Variants in DMD observed in about 807,000 individuals in gnomAD.
DMD encodes dystrophin.
DMD carries 63 observed loss-of-function variants against 330.1 expected under a neutral mutation model. The observed-to-expected ratio is 0.19, with a 90% CI of 0.16 to 0.24. The LOEUF is 0.24. DMD is among the 10% of genes least tolerant of loss of function. The probability of loss-of-function intolerance (pLI) is 1.00; values close to 1 mark genes in which losing one functional copy is unlikely to be tolerated. For missense variants in DMD, 3,344 were observed against 2,684.1 expected, an observed-to-expected ratio of 1.25 and a Z score of -5.43; for synonymous variants, 1,223 against 959.8, an observed-to-expected ratio of 1.27 and a Z score of -5.07.
At chrX:31,194,098 T>A (rs754632325) in intron 67 of DMD, among the ~76,000 whole-genome samples, 3 of 110,966 alleles carry the variant, frequency 2.7e-5, no homozygotes, top group Non-Finnish European at 5.7e-5. Context: ...GAGAGTCACA[T>A]GAACTCGGGA....
chrX:32,261,388 TAA>T (rs1259261191), intron 43 of DMD, among the ~76,000 whole-genome samples: 2 of 111,391 alleles, frequency 1.8e-5, no homozygotes, highest in African/African-American at 6.5e-5. Flanking sequence ...CATGAAAACA[TAA>T]AAAGTGTACA....
At chrX:31,961,414 C>T (rs937857711) in intron 45 of DMD, among the ~76,000 whole-genome samples, 1 of 111,915 alleles carries the variant, frequency 8.9e-6, no homozygotes, top group Non-Finnish European at 1.9e-5. Context: ...TAAGAAAGTA[C>T]TTACTGGCCA....
rs1406201824 is a variant in DMD, at chrX:32,747,445, G to C, written c.650-48152C>G. ...CATACTCAATCAAGCGTGAGAGTGA[G>C]ACCTAGGGATCTGTGTTTTGCTGGG... On this transcript the variant is annotated intron_variant, in intron 7 of 78. Coordinates refer to ENST00000357033, the MANE Select transcript of DMD (RefSeq NM_004006.3). 2.7e-5 allele frequency among the ~76,000 whole-genome samples: 3 copies of C among 111,069 alleles called. 1 individual carries two copies. Among genetic ancestry groups the C allele is most frequent in the Admixed American group, 1.9e-4 (2 of 10,430 alleles).
chrX:32,863,878 T>G (rs972808693), intron 2 of DMD, among the ~76,000 whole-genome samples: 1 of 112,288 alleles, frequency 8.9e-6, no homozygotes, highest in Admixed American at 9.4e-5. Flanking sequence ...ATCCTTGGTT[T>G]ATTCATTCTT....
intron 19 of DMD, among the ~76,000 whole-genome samples, chrX:32,497,010 T>C (rs1214129111): frequency 8.9e-6 from 1 of 111,901 alleles, no homozygotes; most frequent in Non-Finnish European, 1.9e-5. Context: ...CATTAAAATA[T>C]ATGATTAGAA....
chrX:31,371,234 T>TA (rs1241109680), intron 60 of DMD, among the ~76,000 whole-genome samples: 1 of 111,228 alleles, frequency 9.0e-6, no homozygotes, highest in Non-Finnish European at 1.9e-5. Flanking sequence ...AATCTACAAT[T>TA]AAAAATGCTG....
intron 11 of DMD, among the ~76,000 whole-genome samples, chrX:32,631,003 G>T (rs1370538574): frequency 8.9e-6 from 1 of 111,801 alleles, no homozygotes; most frequent in Non-Finnish European, 1.9e-5. Flanking sequence ...GTTCTTGGGT[G>T]TTGTGATTTA....
chrX:32,793,519 T>A (rs2075971725), intron 7 of DMD, among the ~76,000 whole-genome samples: 1 of 103,729 alleles, frequency 9.6e-6, no homozygotes, highest in African/African-American at 3.7e-5. Flanking sequence ...AAGATGAAAA[T>A]AAAGCACTTG....
chrX:32,679,764 C>T (rs2062238722), intron 9 of DMD, among the ~76,000 whole-genome samples: 1 of 109,107 alleles, frequency 9.2e-6, no homozygotes, highest in South Asian at 3.9e-4. Context: ...TTAAAACATG[C>T]TGAAAAAGAC....
At chrX:32,591,118 C>CA (rs200068903) in intron 13 of DMD, among the ~76,000 whole-genome samples, 6,683 of 111,582 alleles carry the variant, frequency 0.06, 165 homozygotes, top group Non-Finnish European at 0.063. Flanking sequence ...CCCAGCCTTC[C>CA]AAAGTGCTGG....
intron 52 of DMD, among the ~76,000 whole-genome samples, chrX:31,685,716 G>A (rs1262865296): frequency 1.8e-5 from 2 of 112,106 alleles, no homozygotes; most frequent in Non-Finnish European, 3.8e-5. Context: ...GCAAACCTGA[G>A]AGATTTTCCT....
intron 1 of DMD, among the ~76,000 whole-genome samples, chrX:33,161,114 G>A (rs1372236110): frequency 9.0e-6 from 1 of 111,183 alleles, no homozygotes; most frequent in Non-Finnish European, 1.9e-5. Context: ...AAAAATTACT[G>A]TCCCAATCCT....
intron 62 of DMD, among the ~76,000 whole-genome samples, chrX:31,321,819 G>C (rs763456460): frequency 5.4e-5 from 6 of 110,701 alleles, no homozygotes; most frequent in African/African-American, 2.0e-4. Flanking sequence ...TAATTCCACT[G>C]AGAAACAGCA....
At chrX:31,258,201 G>A (rs2050160745) in intron 63 of DMD, among the ~76,000 whole-genome samples, 1 of 112,289 alleles carries the variant, frequency 8.9e-6, no homozygotes, top group South Asian at 3.7e-4. Flanking sequence ...GAAAACTGAG[G>A]ACAAATCCAG....
At chrX:33,076,128 C>T (rs756363601) in intron 1 of DMD, among the ~76,000 whole-genome samples, 3 of 97,818 alleles carry the variant, frequency 3.1e-5, no homozygotes, top group Middle Eastern at 4.7e-3. Context: ...CATCCTATGA[C>T]CCCCCACTCA....
chrX:31,922,373 G>A (rs1465270899), intron 47 of DMD, among the ~76,000 whole-genome samples: 2 of 111,336 alleles, frequency 1.8e-5, no homozygotes, highest in Non-Finnish European at 3.8e-5. Context: ...ACAGGTGAAA[G>A]CGAGTGTTTT....
At chrX:31,798,942 A>G (rs1349261151) in intron 50 of DMD, among the ~76,000 whole-genome samples, 1 of 111,317 alleles carries the variant, frequency 9.0e-6, no homozygotes, top group East Asian at 2.8e-4. Context: ...GAACAAGATG[A>G]CAGTTTATTT....
intron 47 of DMD, among the ~76,000 whole-genome samples, chrX:31,908,184 A>C (rs1254200177): frequency 8.9e-6 from 1 of 112,116 alleles, no homozygotes; most frequent in Non-Finnish European, 1.9e-5. Context: ...AGAACTAGAA[A>C]TACCATTTGA....
intron 63 of DMD, among the ~76,000 whole-genome samples, chrX:31,253,432 G>C (rs2049608250): frequency 9.0e-6 from 1 of 111,688 alleles, no homozygotes; most frequent in Non-Finnish European, 1.9e-5. Context: ...TAATGCAAAA[G>C]GAAGGAATTC....
Sources: gnomAD v4.1 joint callset for allele counts (sites outside exome capture counted in the v4.1 genomes callset) on GRCh38, gnomAD v4.1.1 for gene constraint, MANE v1.5 for transcripts, NCBI Gene and HGNC (gene_info 2026-07-23, HGNC 2026-07-21) for gene names.